The following KIAA1217 variants were observed in gnomAD, a reference collection of about 807,000 sequenced individuals.
The protein encoded by KIAA1217 is KIAA1217, also known as sickle tail protein homolog.
In KIAA1217, 88 loss-of-function variants were observed where a neutral mutation model predicts 163.9. That is an observed-to-expected ratio of 0.54 (90% CI 0.45 to 0.64). KIAA1217 has a LOEUF of 0.64. Ranked by LOEUF, KIAA1217 falls within the 30% of genes least tolerant of loss-of-function variation. The pLI is 0.00. For synonymous variants in KIAA1217, 903 were observed against 923.1 expected (o/e 0.98, Z 0.39); for missense variants, 2,372 against 2,475.0 (o/e 0.96, Z 0.88).
At chr10:24,430,834 C>T (rs1688824387) in intron 3 of KIAA1217, among the ~76,000 whole-genome samples, 2 of 152,212 alleles carry the variant, frequency 1.3e-5, no homozygotes, top group African/African-American at 2.4e-5. Context: ...AAGATTCCCT[C>T]GCTCAGCCAT....
chr10:24,177,483 G>T (rs559103586), intron 2 of KIAA1217, among the ~76,000 whole-genome samples: 1 of 150,312 alleles, frequency 6.7e-6, no homozygotes, highest in Non-Finnish European at 1.5e-5. Context: ...ACATGCACAC[G>T]CAAGTATCTT....
At chr10:24,243,431 T>G (rs1360976394) in intron 2 of KIAA1217, among the ~76,000 whole-genome samples, 1 of 151,784 alleles carries the variant, frequency 6.6e-6, no homozygotes, top group Non-Finnish European at 1.5e-5. Context: ...CCTCCCTCCT[T>G]TTGCAGTCCC....
chr10:24,127,016 G>A (rs1467347906), intron 2 of KIAA1217, among the ~76,000 whole-genome samples: 8 of 152,002 alleles, frequency 5.3e-5, no homozygotes, highest in East Asian at 1.9e-4. Flanking sequence ...TTGAAAAAAT[G>A]TCTTTTTGTC....
intron 2 of KIAA1217, among the ~76,000 whole-genome samples, chr10:24,142,141 C>T (rs1176332395): frequency 2.0e-5 from 3 of 151,316 alleles, no homozygotes; most frequent in Admixed American, 2.0e-4. Context: ...CAGTTCAATT[C>T]AGGCATTAGA....
intron 3 of KIAA1217, among the ~76,000 whole-genome samples, chr10:24,396,193 C>T (rs1362849467): frequency 6.6e-6 from 1 of 151,944 alleles, no homozygotes; most frequent in African/African-American, 2.4e-5. Flanking sequence ...AAAAATTAGA[C>T]AGGTGTGGTG....
Position 24,380,820 on chromosome 10 carries a change from C to A in KIAA1217, c.355-49C>A, listed in dbSNP as rs553559363. 2.3e-6 allele frequency: 3 copies of A among 1,332,326 alleles called. No homozygotes were observed. The African/African-American group carries it at 4.4e-5, about 20-fold the overall frequency. 82.5% of individuals were successfully genotyped at this position (1,332,326 alleles called of 1,614,324 possible). A position where few individuals can be genotyped will look rare whatever the true frequency, so the allele number is the denominator to read the frequency against. ...AATGGCATTGGACATATTTTCCACA[C>A]GATTAATAATAGTCTATTTTCCCAC... On this transcript the variant is annotated intron_variant, in intron 2 of 20. Coordinates refer to ENST00000376454, the MANE Select transcript of KIAA1217 (RefSeq NM_019590.5).
In KIAA1217 at chr10:23,779,348, G is replaced by A. The variant is rs761142357; in HGVS notation, c.-321+84114G>A. ...AAGCTCCTCCTTTTCTTTCTTCATC[G>A]TCTCCCTTTGTCTGGAGTTAGTCAG... On this transcript the variant is annotated intron_variant, in intron 1 of 18. Coordinates refer to the KIAA1217 transcript ENST00000376462. 1.4e-4 allele frequency among the ~76,000 whole-genome samples: 21 copies of A among 151,962 alleles called. No homozygotes were observed. In the Middle Eastern group the frequency reaches 0.01, roughly 74 times the overall value.
At chr10:24,281,677 A>G (rs2077944880) in intron 2 of KIAA1217, among the ~76,000 whole-genome samples, 1 of 152,174 alleles carries the variant, frequency 6.6e-6, no homozygotes, top group African/African-American at 2.4e-5. Flanking sequence ...TGATGATTTT[A>G]TCATGAGTAG....
At chr10:24,213,544 T>G (rs2068428809) in intron 1 of KIAA1217, among the ~76,000 whole-genome samples, 1 of 139,372 alleles carries the variant, frequency 7.2e-6, no homozygotes, top group Non-Finnish European at 1.5e-5. Flanking sequence ...TACATGACAT[T>G]TAGAGTCTAT....
At chr10:23,970,901 G>A (rs1033414949) in intron 1 of KIAA1217, among the ~76,000 whole-genome samples, 2 of 152,302 alleles carry the variant, frequency 1.3e-5, no homozygotes, top group Non-Finnish European at 2.9e-5. Flanking sequence ...ATTCAACTGA[G>A]GGGGGGATAA....
At chr10:24,172,958 G>A (rs941108361) in intron 2 of KIAA1217, among the ~76,000 whole-genome samples, 1 of 152,170 alleles carries the variant, frequency 6.6e-6, no homozygotes, top group Non-Finnish European at 1.5e-5. Flanking sequence ...ATTCCCATAA[G>A]CATAGTACCC....
At chr10:23,955,102 C>T (rs1844502372) in intron 1 of KIAA1217, among the ~76,000 whole-genome samples, 1 of 152,086 alleles carries the variant, frequency 6.6e-6, no homozygotes, top group Non-Finnish European at 1.5e-5. Context: ...CTACTTAATC[C>T]ACACAACCAC....
At chr10:24,034,065 A>G (rs1848295304) in intron 2 of KIAA1217, among the ~76,000 whole-genome samples, 1 of 152,240 alleles carries the variant, frequency 6.6e-6, no homozygotes, top group Non-Finnish European at 1.5e-5. Context: ...TAAAATTATT[A>G]CCTTTAATTC....
At chr10:24,403,191 A>G (rs536824687) in intron 3 of KIAA1217, among the ~76,000 whole-genome samples, 330 of 152,306 alleles carry the variant, frequency 2.2e-3, no homozygotes, top group African/African-American at 7.7e-3. Flanking sequence ...TGTTCCATAA[A>G]AGGAAAAGTT....
At chr10:24,080,910 A>T (rs2061518471) in intron 2 of KIAA1217, among the ~76,000 whole-genome samples, 1 of 150,944 alleles carries the variant, frequency 6.6e-6, no homozygotes. Flanking sequence ...TACTGAGATT[A>T]TTGTACTTTT....
At chr10:23,782,157 T>C (rs1835286980) in intron 1 of KIAA1217, among the ~76,000 whole-genome samples, 1 of 152,202 alleles carries the variant, frequency 6.6e-6, no homozygotes, top group Non-Finnish European at 1.5e-5. Flanking sequence ...CTAAGGGTAG[T>C]ATATACATTG....
chr10:24,492,020 G>T (rs1004520913), intron 6 of KIAA1217, among the ~76,000 whole-genome samples: 3 of 152,014 alleles, frequency 2.0e-5, no homozygotes, highest in Admixed American at 6.5e-5. Flanking sequence ...AGCCCTGAAT[G>T]CACCTCTGCT....
intron 1 of KIAA1217, among the ~76,000 whole-genome samples, chr10:23,698,180 T>C (rs1836173092): frequency 6.6e-6 from 1 of 152,188 alleles, no homozygotes. Context: ...GTAGTTAATG[T>C]CATTAATTTA....
chr10:24,387,170 A>G (rs1417507809), intron 3 of KIAA1217, among the ~76,000 whole-genome samples: 1 of 152,182 alleles, frequency 6.6e-6, no homozygotes, highest in African/African-American at 2.4e-5. Context: ...ATTCTGGCAA[A>G]CTGAATCCAG....
Sources: allele counts gnomAD v4.1 joint callset (sites outside exome capture counted in the v4.1 genomes callset), GRCh38; gene constraint gnomAD v4.1.1; transcripts MANE v1.5; gene names NCBI Gene and HGNC (gene_info 2026-07-23, HGNC 2026-07-21).